The following GLI2 variants were observed in gnomAD, a reference collection of about 807,000 sequenced individuals.
GLI2 encodes transcription activator GLI2.
GLI2 carries 22 observed loss-of-function variants against 78.9 expected under a neutral mutation model. That is an observed-to-expected ratio of 0.28 (90% CI 0.20 to 0.40). GLI2 has a LOEUF of 0.40. Ranked by LOEUF, GLI2 falls within the 10% of genes least tolerant of loss-of-function variation. The pLI is 1.00. For missense variants in GLI2, 2,097 were observed against 2,213.2 expected, an observed-to-expected ratio of 0.95 and a Z score of 1.05; for synonymous variants, 974 against 963.7, an observed-to-expected ratio of 1.01 and a Z score of -0.20.
chr2:120,979,081 A>G, intron 10 of GLI2, among the ~76,000 whole-genome samples: 1 of 152,146 alleles, frequency 6.6e-6, no homozygotes, highest in East Asian at 1.9e-4. Context: ...GGGCTCAGGC[A>G]ATCCTCCCAC....
At chr2:120,975,182 GGCCTCTACTAGAC>G (rs1682396342) in intron 9 of GLI2, 73 bp downstream of exon 9, 2 of 1,473,212 alleles carry the variant, frequency 1.4e-6, no homozygotes, top group African/African-American at 2.8e-5. Context: ...AGCCTTCCAG[GGCCTCTACTAGAC>G]AGAAGGGGCT....
chr2:120,982,009 A>G (rs183308809), intron 10 of GLI2, among the ~76,000 whole-genome samples: 3 of 152,346 alleles, frequency 2.0e-5, no homozygotes, highest in East Asian at 3.9e-4. Context: ...GCCAAGGGGT[A>G]TAAAGGAGAG....
intron 3 of GLI2, among the ~76,000 whole-genome samples, chr2:120,945,364 C>T (rs1171761904): frequency 6.6e-6 from 1 of 152,178 alleles, no homozygotes; most frequent in African/African-American, 2.4e-5. Context: ...CCTGCTTGTG[C>T]CTCATGCCCA....
chr2:120,990,493 G>C lies in GLI2; in HGVS notation c.4528G>C (p.Gly1510Arg). ...TGGCGATCACTCGAGTTTGTTCTCG[G>C]GTGCTCTGAGCCCCAGCCTCCTCCA... is the stretch of plus-strand genomic sequence containing the variant. Reference protein sequence around the residue: ...DDGDHSSLFSGALSPSLLHSL... With the variant: ...DDGDHSSLFSRALSPSLLHSL... The change falls in exon 14 of 14, where the codon GGT becomes CGT. Residue 1510 changes from glycine to arginine, a missense_variant. Coordinates refer to ENST00000361492, the MANE Select transcript of GLI2 (RefSeq NM_001374353.1). 4.3e-6 allele frequency: 7 copies of C among 1,613,926 alleles called. No individual in the cohort carries two copies. Among genetic ancestry groups the C allele is most frequent in the Non-Finnish European group, 5.1e-6 (6 of 1,179,976 alleles).
At chr2:120,848,052 A>G (rs1300735507) in intron 2 of GLI2, among the ~76,000 whole-genome samples, 4 of 152,214 alleles carry the variant, frequency 2.6e-5, no homozygotes, top group Non-Finnish European at 4.4e-5. Context: ...CTCCCTCAGA[A>G]GCTGTGGGAA....
In GLI2 at chr2:120,770,549, C is replaced by G. The variant is rs147891439; in HGVS notation, c.-30-26742C>G. On this transcript the variant is annotated intron_variant, in intron 1 of 13. Transcript: ENST00000361492. Reference sequence around the variant, plus strand: ...GCTCTGTATTTGGGATTTGGGCTGCCATTGCTGGACGACAGCCACACGCTG... The same window carrying G: ...GCTCTGTATTTGGGATTTGGGCTGCGATTGCTGGACGACAGCCACACGCTG... 4.1e-3 allele frequency among the ~76,000 whole-genome samples: 625 copies of G among 152,266 alleles called. 4 individuals carry two copies. Among genetic ancestry groups the G allele is most frequent in the Non-Finnish European group, 7.1e-3 (485 of 68,012 alleles).
intron 2 of GLI2, among the ~76,000 whole-genome samples, chr2:120,871,341 T>C (rs551017192): frequency 6.6e-6 from 1 of 152,282 alleles, no homozygotes; most frequent in Non-Finnish European, 1.5e-5. Context: ...GCTCCATGAG[T>C]GTTTACTCAG....
At chr2:120,748,087 C>A (rs1261970821) in intron 1 of GLI2, among the ~76,000 whole-genome samples, 2 of 152,202 alleles carry the variant, frequency 1.3e-5, no homozygotes, top group Non-Finnish European at 2.9e-5. Flanking sequence ...CTCCTTATCC[C>A]CCTTGCCTAG....
At chr2:120,878,240 C>A (rs1389540742) in intron 2 of GLI2, among the ~76,000 whole-genome samples, 10 of 152,344 alleles carry the variant, frequency 6.6e-5, no homozygotes, top group Admixed American at 5.2e-4. Flanking sequence ...AGGGGCAGAG[C>A]AAGGAAGTCA....
intron 1 of GLI2, among the ~76,000 whole-genome samples, chr2:120,779,652 G>C (rs1016618787): frequency 3.3e-5 from 5 of 152,250 alleles, no homozygotes; most frequent in African/African-American, 1.2e-4. Flanking sequence ...CTTTCTCTGT[G>C]CTAGGCATGC....
At chr2:120,868,050 C>A (rs1573507073) in intron 2 of GLI2, among the ~76,000 whole-genome samples, 1 of 152,172 alleles carries the variant, frequency 6.6e-6, no homozygotes, top group Non-Finnish European at 1.5e-5. Flanking sequence ...GGATGTACTC[C>A]GAGCCCTTCG....
chr2:120,853,224 G>T (rs1395514610), intron 2 of GLI2, among the ~76,000 whole-genome samples: 3 of 152,202 alleles, frequency 2.0e-5, no homozygotes, highest in African/African-American at 7.2e-5. Flanking sequence ...AAGGGACAGA[G>T]AAGGTGCAGG....
chr2:120,870,809 A>G (rs74617948), intron 2 of GLI2, among the ~76,000 whole-genome samples: 296 of 152,300 alleles, frequency 1.9e-3, no homozygotes, highest in African/African-American at 6.4e-3. Context: ...CTGTGATATG[A>G]GAGACTCTTC....
Position 120,736,022 on chromosome 2 carries a change from G to A in GLI2, c.-294G>A, listed in dbSNP as rs1219060167. 6.6e-6 allele frequency among the ~76,000 whole-genome samples: 1 copy of A among 151,866 alleles called. No individual in the cohort carries two copies. Among genetic ancestry groups the A allele is most frequent in the Non-Finnish European group, 1.5e-5 (1 of 67,958 alleles). ...GGAGGAAGGCCAGGAGCCGCAGGAGGAGCCGGAGGAAAGAGCTTGGGCCGC... is the reference window on the plus strand; with the variant it reads ...GGAGGAAGGCCAGGAGCCGCAGGAGAAGCCGGAGGAAAGAGCTTGGGCCGC... On this transcript the variant is annotated 5_prime_UTR_variant, in exon 1 of 14. Coordinates refer to ENST00000361492, the MANE Select transcript of GLI2 (RefSeq NM_001374353.1).
At chr2:120,812,903 GTCTTC>G (rs1397697246) in intron 2 of GLI2, among the ~76,000 whole-genome samples, 3 of 152,204 alleles carry the variant, frequency 2.0e-5, no homozygotes, top group African/African-American at 4.8e-5. Context: ...GAGGGCGAGA[GTCTTC>G]TCTTCTTTCT....
At position 120,889,428 on chromosome 2, in the gene GLI2, A is replaced by C. The variant is rs1485315075; in HGVS notation, c.149-37933A>C. Among the ~76,000 whole-genome samples the C allele has an allele frequency of 2.0e-5, 3 of 152,230 alleles. No homozygotes were observed. The East Asian group carries it at 5.8e-4, about 29-fold the overall frequency. On this transcript the variant is annotated intron_variant, in intron 2 of 13. Coordinates refer to ENST00000361492, the MANE Select transcript of GLI2 (RefSeq NM_001374353.1). ...CAGCCTTCAGGATTTCAGGCCAGGC[A>C]CAGGACTCTTAGACTTGATACCATA... is the stretch of plus-strand genomic sequence containing the variant.
chr2:120,910,180 A>G (rs948299569), intron 2 of GLI2, among the ~76,000 whole-genome samples: 3 of 151,582 alleles, frequency 2.0e-5, no homozygotes, highest in Non-Finnish European at 4.4e-5. Flanking sequence ...CATGAGGCCT[A>G]TGTCCATCCC....
intron 2 of GLI2, among the ~76,000 whole-genome samples, chr2:120,841,607 T>C (rs1231111602): frequency 1.3e-5 from 2 of 152,232 alleles, no homozygotes; most frequent in Non-Finnish European, 2.9e-5. Flanking sequence ...TTCAACAGTA[T>C]TTACCGAGGG....
At chr2:120,973,279 C>T (rs993576312) in intron 8 of GLI2, among the ~76,000 whole-genome samples, 13 of 152,162 alleles carry the variant, frequency 8.5e-5, no homozygotes, top group African/African-American at 2.4e-4. Flanking sequence ...TTGATGAGGA[C>T]GGCACATATC....
Sources: gnomAD v4.1 joint callset for allele counts (sites outside exome capture counted in the v4.1 genomes callset) on GRCh38, gnomAD v4.1.1 for gene constraint, MANE v1.5 for transcripts, NCBI Gene and HGNC (gene_info 2026-07-23, HGNC 2026-07-21) for gene names.